Variants in CACNA2D2 observed in about 807,000 individuals in gnomAD.
CACNA2D2 encodes the protein voltage-dependent calcium channel subunit alpha-2/delta-2.
A neutral mutation model predicts 166.4 loss-of-function variants in CACNA2D2; 48 were observed. That is an observed-to-expected ratio of 0.29 (90% CI 0.23 to 0.37). CACNA2D2 has a LOEUF of 0.37. Ranked by LOEUF, CACNA2D2 falls within the 10% of genes least tolerant of loss-of-function variation. CACNA2D2 has a pLI of 1.00. For synonymous variants in CACNA2D2, 561 were observed against 573.7 expected, an observed-to-expected ratio of 0.98 and a Z score of 0.32; for missense variants, 1,122 against 1,433.0, an observed-to-expected ratio of 0.78 and a Z score of 3.50.
rs587597385 is a variant in CACNA2D2, at chr3:50,387,007, G to A, written c.510+561C>T. ...ACCTCACTACCTCAGAGGGCAGCCC[G>A]GGCGGACTTGAGCCAGTGAGTGACA... On this transcript the variant is annotated intron_variant, in intron 5 of 37. Coordinates refer to ENST00000424201, the MANE Select transcript of CACNA2D2 (RefSeq NM_006030.4). Among the ~76,000 whole-genome samples the A allele has an allele frequency of 9.2e-5, 14 of 152,312 alleles. No homozygotes were observed. The South Asian group carries it at 2.3e-3, about 25-fold the overall frequency.
intron 2 of CACNA2D2, among the ~76,000 whole-genome samples, chr3:50,457,717 G>T (rs528247774): frequency 5.9e-5 from 9 of 152,180 alleles, no homozygotes; most frequent in Admixed American, 1.3e-4. Flanking sequence ...GATGCTGAGC[G>T]CAGAGACTTC....
chr3:50,477,971 C>A (rs928958974), intron 1 of CACNA2D2, among the ~76,000 whole-genome samples: 2 of 151,782 alleles, frequency 1.3e-5, no homozygotes, highest in African/African-American at 4.8e-5. Flanking sequence ...GTGCCTGGGT[C>A]GGTTGGCATG....
intron 3 of CACNA2D2, among the ~76,000 whole-genome samples, chr3:50,431,712 C>A (rs1708072183): frequency 6.6e-6 from 1 of 152,084 alleles, no homozygotes. Context: ...GGGCCAGATG[C>A]GGTGGCTCAG....
intron 4 of CACNA2D2, among the ~76,000 whole-genome samples, chr3:50,390,206 A>T (rs1041696205): frequency 6.6e-6 from 1 of 152,208 alleles, no homozygotes; most frequent in Admixed American, 6.5e-5. Context: ...AATCCTGGGC[A>T]GTGAGTGAAG....
At chr3:50,489,473 A>G (rs1233055260) in intron 1 of CACNA2D2, among the ~76,000 whole-genome samples, 1 of 152,162 alleles carries the variant, frequency 6.6e-6, no homozygotes. Context: ...AGATGGGGCT[A>G]TGGGGCGCCA....
At chr3:50,446,290 C>T (rs565974733) in intron 2 of CACNA2D2, among the ~76,000 whole-genome samples, 5 of 152,360 alleles carry the variant, frequency 3.3e-5, no homozygotes, top group African/African-American at 1.2e-4. Context: ...CCACACCGGC[C>T]ATCCATTTCA....
chr3:50,395,048 C>T (rs890313819), intron 3 of CACNA2D2, among the ~76,000 whole-genome samples: 9 of 152,140 alleles, frequency 5.9e-5, no homozygotes, highest in African/African-American at 2.2e-4. Context: ...TTCTAAGGAT[C>T]CCTTCTCTAC....
intron 3 of CACNA2D2, among the ~76,000 whole-genome samples, chr3:50,410,370 G>A (rs565569738): frequency 6.6e-6 from 1 of 152,230 alleles, no homozygotes; most frequent in Non-Finnish European, 1.5e-5. Flanking sequence ...TCTGCAGAAG[G>A]GGGATCCCCT....
chr3:50,456,419 G>GC (rs1709362587), intron 2 of CACNA2D2, among the ~76,000 whole-genome samples: 2 of 152,222 alleles, frequency 1.3e-5, no homozygotes, highest in South Asian at 4.1e-4. Context: ...GCCCACCGCA[G>GC]CCAGACCAAC....
chr3:50,389,175 G>A (rs879440993), intron 4 of CACNA2D2, among the ~76,000 whole-genome samples: 2 of 152,296 alleles, frequency 1.3e-5, no homozygotes, highest in East Asian at 1.9e-4. Flanking sequence ...GGCGGAGGCC[G>A]GGCCCAAGCT....
intron 2 of CACNA2D2, among the ~76,000 whole-genome samples, chr3:50,464,340 G>A (rs1709726204): frequency 6.6e-6 from 1 of 152,236 alleles, no homozygotes; most frequent in Non-Finnish European, 1.5e-5. Context: ...GCTGTGAGTT[G>A]AGTGTGCACA....
intron 3 of CACNA2D2, among the ~76,000 whole-genome samples, chr3:50,405,554 C>T (rs1706667253): frequency 6.6e-6 from 1 of 152,208 alleles, no homozygotes; most frequent in Non-Finnish European, 1.5e-5. Flanking sequence ...TGATCCCAGG[C>T]ATAACCTTGA....
In CACNA2D2 at chr3:50,374,415, G is replaced by T. The variant is rs78773596; in HGVS notation, c.1984+322C>A. ...GGAGGGGAGGGGGAAGGTAAGGGGA[G>T]GGGGTGTCTTCCAAGAATGCAGCCC... On this transcript the variant is annotated intron_variant, in intron 22 of 37. Coordinates refer to ENST00000424201, the MANE Select transcript of CACNA2D2 (RefSeq NM_006030.4). Among the ~76,000 whole-genome samples the T allele has an allele frequency of 4.6e-3, 681 of 148,662 alleles. 7 individuals carry two copies. The highest frequency in any genetic ancestry group is 0.012 in the African/African-American group (481 of 40,142).
intron 3 of CACNA2D2, among the ~76,000 whole-genome samples, chr3:50,430,725 G>A (rs1381771029): frequency 6.6e-6 from 1 of 152,166 alleles, no homozygotes; most frequent in Non-Finnish European, 1.5e-5. Flanking sequence ...GTCCTGATTT[G>A]GGTCCAAGTC....
At chr3:50,430,477 C>T (rs924537978) in intron 3 of CACNA2D2, among the ~76,000 whole-genome samples, 1 of 152,190 alleles carries the variant, frequency 6.6e-6, no homozygotes, top group African/African-American at 2.4e-5. Context: ...GGAGGGTGCT[C>T]ATGTCCTTAT....
chr3:50,388,639 G>A (rs1037227103), intron 4 of CACNA2D2, among the ~76,000 whole-genome samples: 6 of 152,206 alleles, frequency 3.9e-5, no homozygotes, highest in African/African-American at 1.2e-4. Context: ...CCGGACACCC[G>A]CTTCCCAAGG....
chr3:50,415,457 C>A, intron 3 of CACNA2D2, among the ~76,000 whole-genome samples: 1 of 152,200 alleles, frequency 6.6e-6, no homozygotes, highest in East Asian at 1.9e-4. Flanking sequence ...GGACTGCTAA[C>A]GGTCCTGTCA....
chr3:50,387,624 A>T lies in CACNA2D2; in HGVS notation c.466-12T>A. 6.2e-7 allele frequency: 1 copy of T among 1,609,910 alleles called. No homozygotes were observed. Among genetic ancestry groups the T allele is most frequent in the South Asian group, 1.1e-5 (1 of 90,842 alleles). On this transcript the variant is annotated splice_polypyrimidine_tract_variant and intron_variant, in intron 4 of 37. Coordinates refer to ENST00000424201, the MANE Select transcript of CACNA2D2 (RefSeq NM_006030.4). ...ACGATGTCTTCCTCCTGGTGAGGGG[A>T]GAGAGGCCTCAGCACTAGCTGCTCA...
chr3:50,395,654 G>C (rs1178711253), intron 3 of CACNA2D2, among the ~76,000 whole-genome samples: 1 of 152,224 alleles, frequency 6.6e-6, no homozygotes, highest in Non-Finnish European at 1.5e-5. Flanking sequence ...AGGGGAAGTG[G>C]AAGTCAGGTC....
Sources: gnomAD v4.1 joint callset for allele counts (sites outside exome capture counted in the v4.1 genomes callset) on GRCh38, gnomAD v4.1.1 for gene constraint, MANE v1.5 for transcripts, NCBI Gene and HGNC (gene_info 2026-07-23, HGNC 2026-07-21) for gene names.